CFAP95: variants seen among roughly 807,000 people sequenced by gnomAD.
The protein encoded by CFAP95 is cilia- and flagella-associated protein 95.
chr9:69,848,943 C>T, the CFAP95 span, among the ~76,000 whole-genome samples: 2 of 152,188 alleles, frequency 1.3e-5, no homozygotes, highest in Non-Finnish European at 2.9e-5. Flanking sequence ...AACTAGTCCT[C>T]TAAATGACTG....
chr9:69,826,513 AC>A, the CFAP95 span, among the ~76,000 whole-genome samples: 1 of 152,138 alleles, frequency 6.6e-6, no homozygotes, highest in African/African-American at 2.4e-5. Context: ...AAAAGTAAGG[AC>A]CCTTGGTAAC....
chr9:69,886,442 G>C, the CFAP95 span, among the ~76,000 whole-genome samples: 1 of 152,160 alleles, frequency 6.6e-6, no homozygotes, highest in Non-Finnish European at 1.5e-5. Context: ...TTTTGCTGTT[G>C]TATCTCAAAC....
chr9:69,821,698 C>T, the CFAP95 span, among the ~76,000 whole-genome samples: 2 of 151,842 alleles, frequency 1.3e-5, no homozygotes, highest in African/African-American at 4.8e-5. Flanking sequence ...GCATCTCCCA[C>T]TGGTTAAGGC....
At chr9:69,887,142 A>G in the CFAP95 span, among the ~76,000 whole-genome samples, 2 of 152,206 alleles carry the variant, frequency 1.3e-5, no homozygotes, top group African/African-American at 4.8e-5. Flanking sequence ...TTTCTTCCTC[A>G]TCTTGTTTAC....
chr9:69,870,128 G>A, the CFAP95 span, among the ~76,000 whole-genome samples: 2 of 152,158 alleles, frequency 1.3e-5, no homozygotes, highest in East Asian at 1.9e-4. Context: ...CTTTCAAATG[G>A]CTTTTAAAAA....
the CFAP95 span, among the ~76,000 whole-genome samples, chr9:69,902,731 A>T: frequency 6.6e-6 from 1 of 151,694 alleles, no homozygotes; most frequent in East Asian, 1.9e-4. Flanking sequence ...TTTGAAAAGC[A>T]TACTCTCTCT....
chr9:69,832,620 ATTTTTTTTTT>A, the CFAP95 span, among the ~76,000 whole-genome samples: 4 of 11,350 alleles, frequency 3.5e-4, no homozygotes, highest in African/African-American at 9.0e-4. Flanking sequence ...GTCTATTCGG[ATTTTTTTTTT>A]TTTTTTTTTT....
the CFAP95 span, among the ~76,000 whole-genome samples, chr9:69,844,214 G>A: frequency 2.8e-4 from 43 of 152,012 alleles, no homozygotes; most frequent in Non-Finnish European, 6.3e-4. Context: ...ACTTACTGTT[G>A]GTAAACTAAT....
the CFAP95 span, among the ~76,000 whole-genome samples, chr9:69,897,584 G>T: frequency 5.3e-5 from 8 of 152,158 alleles, no homozygotes; most frequent in Non-Finnish European, 1.0e-4. Flanking sequence ...ATATGAATGA[G>T]TAGAACCAAG....
the CFAP95 span, among the ~76,000 whole-genome samples, chr9:69,833,565 C>A: frequency 6.6e-6 from 1 of 152,124 alleles, no homozygotes; most frequent in Admixed American, 6.5e-5. Flanking sequence ...TTTATCTGTG[C>A]AGCTGCGGGA....
the CFAP95 span, among the ~76,000 whole-genome samples, chr9:69,903,269 T>G: frequency 1.3e-3 from 203 of 152,342 alleles, 3 homozygotes; most frequent in African/African-American, 4.8e-3. Context: ...TGAACAGAAG[T>G]CCTGGGCTTT....
At chr9:69,863,617 AG>A in the CFAP95 span, among the ~76,000 whole-genome samples, 1 of 152,230 alleles carries the variant, frequency 6.6e-6, no homozygotes, top group Non-Finnish European at 1.5e-5. Context: ...AGATGATTGT[AG>A]CTAATTCATT....
At chr9:69,884,859 A>T in the CFAP95 span, among the ~76,000 whole-genome samples, 957 of 126,536 alleles carry the variant, frequency 7.6e-3, 2 homozygotes, top group Middle Eastern at 0.023. Context: ...ATTTGTCTTT[A>T]AAAAAAAACC....
chr9:69,834,762 A>G, the CFAP95 span, among the ~76,000 whole-genome samples: 1 of 152,246 alleles, frequency 6.6e-6, no homozygotes, highest in Non-Finnish European at 1.5e-5. Flanking sequence ...GAGTGCAGTT[A>G]AGTTTCAAAT....
At chr9:69,843,514 T>A in the CFAP95 span, among the ~76,000 whole-genome samples, 104 of 1,456 alleles carry the variant, frequency 0.071, 29 homozygotes, top group African/African-American at 0.14. Flanking sequence ...CCCCTCCTCC[T>A]CCTCCTCCTC....
the CFAP95 span, among the ~76,000 whole-genome samples, chr9:69,860,520 A>G: frequency 3.9e-5 from 6 of 152,188 alleles, no homozygotes; most frequent in Admixed American, 2.0e-4. Flanking sequence ...TAGGTCAAAC[A>G]TCAAAAATAC....
the CFAP95 span, among the ~76,000 whole-genome samples, chr9:69,891,997 AT>A: frequency 1.3e-5 from 2 of 152,204 alleles, no homozygotes; most frequent in Admixed American, 1.3e-4. Context: ...TGGATATTAT[AT>A]TATCAGCATC....
chr9:69,866,330 C>T, the CFAP95 span, among the ~76,000 whole-genome samples: 1 of 152,130 alleles, frequency 6.6e-6, no homozygotes, highest in African/African-American at 2.4e-5. Flanking sequence ...GCTGAGAAAG[C>T]CAGTGGTGCA....
chr9:69,825,083 A>G, the CFAP95 span, among the ~76,000 whole-genome samples: 7 of 152,244 alleles, frequency 4.6e-5, no homozygotes, highest in African/African-American at 1.7e-4. Flanking sequence ...CATTTTGGTC[A>G]TAATTGTTAG....
Sources: gnomAD v4.1 joint callset for allele counts (sites outside exome capture counted in the v4.1 genomes callset) on GRCh38, gnomAD v4.1.1 for gene constraint, MANE v1.5 for transcripts, NCBI Gene and HGNC (gene_info 2026-07-23, HGNC 2026-07-21) for gene names.